Variants in PRRX2 observed in about 807,000 individuals in gnomAD.
PRRX2 encodes the protein paired related homeobox 2, also known as paired mesoderm homeobox protein 2.
A neutral mutation model predicts 18.0 loss-of-function variants in PRRX2; 11 were observed. That is an observed-to-expected ratio of 0.61 (90% CI 0.39 to 1.01). The LOEUF (loss-of-function observed/expected upper bound fraction) is 1.01. Among genes scored for constraint, PRRX2 ranks in the 50% least tolerant of loss-of-function variants. The probability of loss-of-function intolerance (pLI) is 0.01; values close to 1 mark genes in which losing one functional copy is unlikely to be tolerated. For synonymous variants in PRRX2, 177 were observed against 154.8 expected, an observed-to-expected ratio of 1.14 and a Z score of -1.06; for missense variants, 387 against 351.0, an observed-to-expected ratio of 1.10 and a Z score of -0.82.
intron 1 of PRRX2, among the ~76,000 whole-genome samples, chr9:129,700,865 C>T (rs933336709): frequency 6.6e-6 from 1 of 152,330 alleles, no homozygotes; most frequent in Non-Finnish European, 1.5e-5. Flanking sequence ...GCGATCCACC[C>T]GCCTCAGCCT....
chr9:129,691,458 G>A (rs1034944728), intron 1 of PRRX2, among the ~76,000 whole-genome samples: 4 of 151,852 alleles, frequency 2.6e-5, no homozygotes, highest in Non-Finnish European at 5.9e-5. Flanking sequence ...GAGGTTATTT[G>A]CACTGTGGTA....
rs1393748273 is a variant in PRRX2, at chr9:129,719,301, G to T, written c.330G>T (p.Thr110=). The change falls in exon 2 of 4, where the codon ACG becomes ACT. Residue 110 remains threonine (T), a synonymous_variant. Transcript: ENST00000372469. ...AGAAGCAGCGGCGGAACCGCACCAC[G>T]TTCAACAGCAGCCAACTGCAGGCGC... ...RKKKQRRNRT[T]FNSSQLQALE... The T allele has an allele frequency of 6.2e-7, 1 of 1,611,042 alleles. No homozygotes were observed. The highest frequency in any genetic ancestry group is 1.1e-5 in the South Asian group (1 of 90,634).
At chr9:129,673,390 G>A (rs1290581810) in intron 1 of PRRX2, among the ~76,000 whole-genome samples, 2 of 152,150 alleles carry the variant, frequency 1.3e-5, no homozygotes, top group African/African-American at 2.4e-5. Flanking sequence ...CCAGGAGTTC[G>A]AGGCTGCAGT....
intron 1 of PRRX2, among the ~76,000 whole-genome samples, chr9:129,686,481 G>A (rs1018184330): frequency 2.0e-5 from 3 of 152,184 alleles, no homozygotes; most frequent in Admixed American, 6.5e-5. Context: ...CAAGTAGCTG[G>A]CCACAGGTGC....
intron 1 of PRRX2, among the ~76,000 whole-genome samples, chr9:129,683,652 G>A (rs1012321922): frequency 2.0e-5 from 3 of 151,980 alleles, no homozygotes; most frequent in Non-Finnish European, 4.4e-5. Context: ...GGAGAATGGC[G>A]GGAACCCGGG....
rs984922960 is a variant in PRRX2 at position 129,671,438 on chromosome 9, G to A, written c.259+5312G>A. Among the ~76,000 whole-genome samples, 2 of 152,140 alleles carry A rather than the reference G, an allele frequency of 1.3e-5. No individual in the cohort carries two copies. The highest frequency in any genetic ancestry group is 2.9e-5 in the Non-Finnish European group (2 of 68,020). ...GGGCCTGGCACAGGGGGCTTAGACC[G>A]GCTTGCCCTTCTCTGTGAGCAGAAA... On this transcript the variant is annotated intron_variant, in intron 1 of 3. Transcript: ENST00000372469. The surrounding 1 kb of genome is among the most constrained non-coding windows in gnomAD (Gnocchi z 4.0).
chr9:129,720,733 G>C lies in PRRX2; in HGVS notation c.585G>C (p.Leu195=). ...CCGTGGCTCCCCGGCCCACCGCCCT[G>C]AGTCCAGATTATCTCTCCTGGACAG... ...EQPVAPRPTA[L]SPDYLSWTAS... The change falls in exon 3 of 4, where the codon CTG becomes CTC. Residue 195 remains leucine (L), a synonymous_variant. Coordinates refer to ENST00000372469, the MANE Select transcript of PRRX2 (RefSeq NM_016307.4). The C allele has an allele frequency of 6.2e-7, 1 of 1,611,460 alleles. No individual in the cohort carries two copies. Among genetic ancestry groups the C allele is most frequent in the Non-Finnish European group, 8.5e-7 (1 of 1,178,984 alleles).
intron 1 of PRRX2, among the ~76,000 whole-genome samples, chr9:129,706,391 C>G (rs1318931828): frequency 6.6e-6 from 1 of 152,080 alleles, no homozygotes; most frequent in Non-Finnish European, 1.5e-5. Context: ...CGGTAAAACC[C>G]TGTCTCTACC....
intron 1 of PRRX2, 30 bp downstream of exon 1, chr9:129,666,156 G>GCGGAGC: frequency 1.1e-6 from 1 of 923,936 alleles, no homozygotes; most frequent in Non-Finnish European, 1.3e-6. Flanking sequence ...GACGGGGGTG[G>GCGGAGC]CGGGGCCGGG....
Position 129,665,726 on chromosome 9 carries a change from C to A in PRRX2, c.-142C>A. ...AAGTTTGTTTCCCCGACGTCAGCGC[C>A]GGGCGGGCCGCGAGGCTAGGAGGCG... On this transcript the variant is annotated 5_prime_UTR_variant, in exon 1 of 4. Coordinates refer to ENST00000372469, the MANE Select transcript of PRRX2 (RefSeq NM_016307.4). The surrounding 1 kb of genome is among the most constrained non-coding windows in gnomAD (Gnocchi z 5.3). 2 of 566,518 alleles carry A rather than the reference C, an allele frequency of 3.5e-6. No homozygotes were observed. The highest frequency in any genetic ancestry group is 4.5e-6 in the Non-Finnish European group (2 of 444,310). 35.1% of individuals were successfully genotyped at this position (566,518 alleles called of 1,614,324 possible). A position where few individuals can be genotyped will look rare whatever the true frequency, so the allele number is the denominator to read the frequency against.
rs116914754 is a variant in PRRX2 at position 129,671,489 on chromosome 9, C to A, written c.259+5363C>A. 4.2e-3 allele frequency among the ~76,000 whole-genome samples: 636 copies of A among 152,310 alleles called. 3 individuals carry two copies. Among genetic ancestry groups the A allele is most frequent in the Non-Finnish European group, 6.7e-3 (457 of 68,040 alleles). The stretch of plus-strand genomic sequence containing the variant: ...CTCAACAGGCTGGAGCCACCACTGT[C>A]CCCTCCCAGAAAACTCCAGAAAAGC... On this transcript the variant is annotated intron_variant, in intron 1 of 3. Transcript: ENST00000372469. The surrounding 1 kb of genome is among the most constrained non-coding windows in gnomAD (Gnocchi z 4.0).
intron 1 of PRRX2, among the ~76,000 whole-genome samples, chr9:129,669,008 G>T (rs1442937106): frequency 6.6e-6 from 1 of 151,688 alleles, no homozygotes; most frequent in Non-Finnish European, 1.5e-5. Flanking sequence ...TTAGTCAGGT[G>T]TGGTGACAGA....
chr9:129,711,282 A>G (rs958479386), intron 1 of PRRX2, among the ~76,000 whole-genome samples: 1 of 150,788 alleles, frequency 6.6e-6, no homozygotes, highest in African/African-American at 2.4e-5. Flanking sequence ...ATGTCATTTA[A>G]CTCTCTGTTC....
chr9:129,719,986 C>CAATA (rs35193994), intron 2 of PRRX2, among the ~76,000 whole-genome samples: 20,364 of 151,800 alleles, frequency 0.13, 2,457 homozygotes, highest in African/African-American at 0.31. Flanking sequence ...GACCCTGTCT[C>CAATA]AATAAATAAA....
intron 1 of PRRX2, among the ~76,000 whole-genome samples, chr9:129,681,022 C>G (rs556009697): frequency 6.6e-6 from 1 of 152,232 alleles, no homozygotes; most frequent in Admixed American, 6.5e-5. Flanking sequence ...AAGGCTGACA[C>G]GTTCAGATTT....
chr9:129,682,436 G>A (rs957856614), intron 1 of PRRX2, among the ~76,000 whole-genome samples: 2 of 152,076 alleles, frequency 1.3e-5, no homozygotes, highest in Admixed American at 1.3e-4. Flanking sequence ...AGGCCCCCAA[G>A]GACGCTCATC....
At chr9:129,722,001 A>G (rs542312400) in intron 3 of PRRX2, among the ~76,000 whole-genome samples, 2 of 152,256 alleles carry the variant, frequency 1.3e-5, no homozygotes, top group African/African-American at 2.4e-5. Flanking sequence ...CAGGAAGCTC[A>G]TGGCTCATAT....
At chr9:129,714,636 G>T (rs1564155275) in intron 1 of PRRX2, among the ~76,000 whole-genome samples, 1 of 152,232 alleles carries the variant, frequency 6.6e-6, no homozygotes, top group African/African-American at 2.4e-5. Flanking sequence ...TGGCTGGGGT[G>T]GGGGTAAATG....
intron 1 of PRRX2, among the ~76,000 whole-genome samples, chr9:129,667,492 T>G (rs1832040656): frequency 6.6e-6 from 1 of 151,562 alleles, no homozygotes; most frequent in Admixed American, 6.6e-5. Flanking sequence ...CTCCAGGGGT[T>G]GGGAAGAGAA....
Sources: gnomAD v4.1 joint callset for allele counts (sites outside exome capture counted in the v4.1 genomes callset) on GRCh38, gnomAD v4.1.1 for gene constraint, Gnocchi (gnomAD v3.1) non-coding constraint, MANE v1.5 for transcripts, NCBI Gene and HGNC (gene_info 2026-07-23, HGNC 2026-07-21) for gene names.